Variants in EFR3B observed in about 807,000 individuals in gnomAD.
EFR3B encodes EFR3 homolog B.
Under a neutral mutation model 104.7 loss-of-function variants are expected in EFR3B, and 64 were observed. That is an observed-to-expected ratio of 0.61 (90% CI 0.50 to 0.75). The LOEUF (loss-of-function observed/expected upper bound fraction) is 0.75, where lower values mean the gene tolerates loss of function less well. Ranked by LOEUF, EFR3B falls within the 30% of genes least tolerant of loss-of-function variation. The pLI is 0.00. For synonymous variants in EFR3B, 385 were observed against 417.9 expected (o/e 0.92, Z 0.96); for missense variants, 750 against 1,078.5 (o/e 0.70, Z 4.27).
At chr2:25,081,861 T>C (rs1221981189) in intron 1 of EFR3B, among the ~76,000 whole-genome samples, 1 of 152,146 alleles carries the variant, frequency 6.6e-6, no homozygotes, top group Non-Finnish European at 1.5e-5. Flanking sequence ...GGGTTACTAG[T>C]AGGGAGTTTG....
At chr2:25,080,007 G>A in intron 1 of EFR3B, 1 of 976,900 alleles carries the variant, frequency 1.0e-6, no homozygotes. Context: ...GTCGTCACAA[G>A]CAAGAATTTT....
chr2:25,050,296 G>A (rs375653516), intron 1 of EFR3B, among the ~76,000 whole-genome samples: 139 of 152,272 alleles, frequency 9.1e-4, no homozygotes, highest in South Asian at 2.1e-3. Context: ...GGTGGGAGGT[G>A]ATGTGAAAAT....
At position 25,143,950 on chromosome 2, in the gene EFR3B, T is replaced by C. The variant is rs115297769; in HGVS notation, c.2050+88T>C. ...TGAGCATAAGGGACTTATAGCCCTTTGATTGCCTGTGAGGCACCTTGGATG... is the reference window on the plus strand; with the variant it reads ...TGAGCATAAGGGACTTATAGCCCTTCGATTGCCTGTGAGGCACCTTGGATG... On this transcript the variant is annotated intron_variant, in intron 18 of 22. Coordinates refer to ENST00000403714, the MANE Select transcript of EFR3B (RefSeq NM_014971.2). 82 of 1,454,024 alleles carry C rather than the reference T, an allele frequency of 5.6e-5. No individual in the cohort carries two copies. In the African/African-American group the frequency reaches 1.1e-3, roughly 19 times the overall value. 90.1% of individuals were successfully genotyped at this position (1,454,024 alleles called of 1,614,324 possible). A position where few individuals can be genotyped will look rare whatever the true frequency, so the allele number is the denominator to read the frequency against.
chr2:25,073,464 C>T lies in EFR3B; in HGVS notation c.8-17861C>T, dbSNP rs544315377. 1.7e-3 allele frequency among the ~76,000 whole-genome samples: 263 copies of T among 151,286 alleles called. 1 individual carries two copies. The highest frequency in any genetic ancestry group is 5.8e-3 in the African/African-American group (240 of 41,318). ...CCTCCACCTCCCAGGCTCAAGTGATCCTCCCACCTCAGCCTCCCAAATAGC... is the reference window on the plus strand; with the variant it reads ...CCTCCACCTCCCAGGCTCAAGTGATTCTCCCACCTCAGCCTCCCAAATAGC... On this transcript the variant is annotated intron_variant, in intron 1 of 22. Coordinates refer to ENST00000403714, the MANE Select transcript of EFR3B (RefSeq NM_014971.2).
intron 1 of EFR3B, among the ~76,000 whole-genome samples, chr2:25,069,502 A>G (rs7592588): frequency 0.089 from 13,511 of 152,252 alleles, 1,150 homozygotes; most frequent in African/African-American, 0.23. Context: ...AGTAGAAGAA[A>G]ACAGCCTTAT....
intron 1 of EFR3B, among the ~76,000 whole-genome samples, chr2:25,076,596 T>G (rs953368745): frequency 2.0e-5 from 3 of 152,142 alleles, no homozygotes; most frequent in African/African-American, 7.2e-5. Context: ...GGGATAAAAT[T>G]TTCCTGCTGT....
At chr2:25,078,187 G>A (rs914343309) in intron 1 of EFR3B, among the ~76,000 whole-genome samples, 2 of 152,126 alleles carry the variant, frequency 1.3e-5, no homozygotes, top group Admixed American at 6.5e-5. Context: ...AGTGCCCTGC[G>A]AACTGCTGGA....
rs746491010 is a variant in EFR3B at position 25,143,872 on chromosome 2, C to T, written c.2050+10C>T. 1.2e-5 allele frequency: 19 copies of T among 1,551,174 alleles called. No homozygotes were observed. The highest frequency in any genetic ancestry group is 1.5e-5 in the Non-Finnish European group (17 of 1,146,786). Reference sequence around the variant, plus strand: ...ATTCCTCAGCTGACAGGTATGAGTTCTGTGCAGGGATGCCCGGGCCTGCCT... The same window carrying T: ...ATTCCTCAGCTGACAGGTATGAGTTTTGTGCAGGGATGCCCGGGCCTGCCT... On this transcript the variant is annotated intron_variant, in intron 18 of 22. Transcript: ENST00000403714.
intron 1 of EFR3B, among the ~76,000 whole-genome samples, chr2:25,060,656 C>T (rs1335315069): frequency 6.6e-6 from 1 of 151,812 alleles, no homozygotes; most frequent in Non-Finnish European, 1.5e-5. Context: ...CGCGGTGGCT[C>T]ATGCCTGTAA....
intron 1 of EFR3B, among the ~76,000 whole-genome samples, chr2:25,053,208 C>T (rs1573164022): frequency 6.6e-6 from 1 of 152,338 alleles, no homozygotes; most frequent in African/African-American, 2.4e-5. Context: ...AGGCTGGGAG[C>T]TCTCACTTCT....
At chr2:25,148,748 C>T (rs1467369681) in intron 19 of EFR3B, among the ~76,000 whole-genome samples, 1 of 149,272 alleles carries the variant, frequency 6.7e-6, no homozygotes, top group African/African-American at 2.5e-5. Flanking sequence ...CGGTGAAACC[C>T]CGTCTCTACT....
In EFR3B at chr2:25,072,609, GCTT is replaced by G. The variant is rs757880534; in HGVS notation, c.8-18710_8-18708del. Among the ~76,000 whole-genome samples, 31 of 152,248 alleles carry G rather than the reference GCTT, an allele frequency of 2.0e-4. 1 individual carries two copies. The Middle Eastern group carries it at 0.014, about 67-fold the overall frequency. On this transcript the variant is annotated intron_variant, in intron 1 of 22. Coordinates refer to ENST00000403714, the MANE Select transcript of EFR3B (RefSeq NM_014971.2). ...CTTATTTTCTTATGCCTTGACTTCTGCTTCTTCTCTAGATGGTCTCCCTTCTTC... is the reference window on the plus strand; with the variant it reads ...CTTATTTTCTTATGCCTTGACTTCTGCTTCTCTAGATGGTCTCCCTTCTTC...
At chr2:25,055,787 G>A (rs1281623785) in intron 1 of EFR3B, among the ~76,000 whole-genome samples, 1 of 152,074 alleles carries the variant, frequency 6.6e-6, no homozygotes, top group Non-Finnish European at 1.5e-5. Context: ...TGCAAGGAGG[G>A]ATGCTTCTAG....
intron 1 of EFR3B, among the ~76,000 whole-genome samples, chr2:25,044,570 A>G (rs968992716): frequency 2.6e-5 from 4 of 152,170 alleles, no homozygotes; most frequent in African/African-American, 9.7e-5. Flanking sequence ...GCCTCCTGGC[A>G]CTGCGCTTCT....
Position 25,156,467 on chromosome 2 carries a change from TTG to T in EFR3B, c.*2131_*2132del, listed in dbSNP as rs1297337292. The T allele has an allele frequency of 1.3e-5, 2 of 151,936 alleles. No individual in the cohort carries two copies. The highest frequency in any genetic ancestry group is 2.1e-4 in the South Asian group (1 of 4,800). 9.4% of individuals were successfully genotyped at this position (151,936 alleles called of 1,614,324 possible). A position where few individuals can be genotyped will look rare whatever the true frequency, so the allele number is the denominator to read the frequency against. On this transcript the variant is annotated 3_prime_UTR_variant, in exon 23 of 23. Transcript: ENST00000403714. ...CGTGCACCACCACGCCTGGCGAATT[TTG>T]TGTTTTTAGTAGACATGAGGTTTCA...
chr2:25,151,874 T>C (rs551864918), intron 20 of EFR3B, 40 bp from the exon 21 acceptor site: 1 of 1,544,738 alleles, frequency 6.5e-7, no homozygotes, highest in South Asian at 1.2e-5. Flanking sequence ...TTCACCTCAG[T>C]GAGCAGGGCC....
At position 25,098,831 on chromosome 2, in the gene EFR3B, A is replaced by ATTT. The variant is rs11416666; in HGVS notation, c.213-4782_213-4780dup. On this transcript the variant is annotated intron_variant, in intron 3 of 22. Transcript: ENST00000403714. ...ACTTTCCACTCCTGGTAAGTAGCCA[A>ATTT]TTTTTTTTTTTTTTTTTTTTTTTTT... Among the ~76,000 whole-genome samples, 210 of 83,794 alleles carry ATTT rather than the reference A, an allele frequency of 2.5e-3. 8 individuals carry two copies. The highest frequency in any genetic ancestry group is 9.6e-3 in the Middle Eastern group (1 of 104). The allele number at this position is 83,794 out of a possible 152,430, so 55.0% of individuals were successfully genotyped here.
chr2:25,042,319 G>C lies in EFR3B; in HGVS notation c.7G>C (p.Gly3Arg). 7.9e-7 allele frequency: 1 copy of C among 1,273,442 alleles called. No individual in the cohort carries two copies. Among genetic ancestry groups the C allele is most frequent in the Middle Eastern group, 2.6e-4 (1 of 3,828 alleles). The allele number at this position is 1,273,442 out of a possible 1,614,324, so 78.9% of individuals were successfully genotyped here. A position where few individuals can be genotyped will look rare whatever the true frequency, so the allele number is the denominator to read the frequency against. The change falls in exon 1 of 23, where the codon GGT becomes CGT. Residue 3 changes from glycine to arginine, a missense_variant and splice_region_variant. By Grantham distance (125) the Gly-to-Arg change is moderately radical. Coordinates refer to ENST00000403714, the MANE Select transcript of EFR3B (RefSeq NM_014971.2). The surrounding 1 kb of genome is among the most constrained non-coding windows in gnomAD (Gnocchi z 5.4). ...AGGCGCGCGCCCCGCCGAGATGTAC[G>C]GTAAGGAGGGCTCCGCGCCCGGGCC... MY[G>R]VCGCCGALRP...
chr2:25,050,397 C>G (rs1205847364), intron 1 of EFR3B, among the ~76,000 whole-genome samples: 2 of 151,988 alleles, frequency 1.3e-5, no homozygotes, highest in African/African-American at 4.8e-5. Flanking sequence ...TGTGCATATG[C>G]AAAGGATGAT....
Sources: allele counts gnomAD v4.1 joint callset (sites outside exome capture counted in the v4.1 genomes callset), GRCh38; gene constraint gnomAD v4.1.1; non-coding constraint Gnocchi (gnomAD v3.1); transcripts MANE v1.5; gene names NCBI Gene and HGNC (gene_info 2026-07-23, HGNC 2026-07-21).